GTF2F2: variants seen among roughly 807,000 people sequenced by gnomAD.
GTF2F2 encodes the protein general transcription factor IIF subunit 2.
GTF2F2 carries 23 observed loss-of-function variants against 42.2 expected under a neutral mutation model. The observed-to-expected ratio is 0.55, with a 90% CI of 0.39 to 0.77. The LOEUF is 0.77. Ranked by LOEUF, GTF2F2 falls within the 30% of genes least tolerant of loss-of-function variation. The pLI is 0.00. For missense variants in GTF2F2, 261 were observed against 287.2 expected (o/e 0.91, Z 0.66); for synonymous variants, 105 against 100.8 (o/e 1.04, Z -0.25).
intron 4 of GTF2F2, among the ~76,000 whole-genome samples, chr13:45,179,518 C>G (rs1872045118): frequency 6.6e-6 from 1 of 152,152 alleles, no homozygotes; most frequent in Non-Finnish European, 1.5e-5. Context: ...TATCACTGCC[C>G]TGAAGGTATA....
chr13:45,237,146 C>G (rs1875034411), intron 5 of GTF2F2, among the ~76,000 whole-genome samples: 1 of 151,946 alleles, frequency 6.6e-6, no homozygotes, highest in African/African-American at 2.4e-5. Flanking sequence ...AAGAAATTAC[C>G]CAAAGCTGTA....
intron 2 of GTF2F2, among the ~76,000 whole-genome samples, chr13:45,140,378 AG>A (rs1413144746): frequency 6.6e-6 from 1 of 152,218 alleles, no homozygotes; most frequent in Non-Finnish European, 1.5e-5. Context: ...TAGTGGAGTC[AG>A]GCTTGTATTC....
chr13:45,120,752 C>T (rs749339806), intron 1 of GTF2F2, 31 bp downstream of exon 1: 12 of 1,473,174 alleles, frequency 8.1e-6, no homozygotes, highest in Middle Eastern at 1.7e-4. Context: ...ACTTGCGCTC[C>T]TCCTAACACA....
intron 6 of GTF2F2, among the ~76,000 whole-genome samples, chr13:45,255,296 C>T (rs558027548): frequency 5.0e-4 from 76 of 152,036 alleles, no homozygotes; most frequent in African/African-American, 1.8e-3. Context: ...TAGCAAATGC[C>T]ACTAGGGCTA....
chr13:45,269,256 T>C (rs1358471483), intron 7 of GTF2F2, among the ~76,000 whole-genome samples: 1 of 152,188 alleles, frequency 6.6e-6, no homozygotes, highest in Non-Finnish European at 1.5e-5. Context: ...TGAATTGATT[T>C]GAAAAAAGAA....
At chr13:45,261,030 G>A in intron 6 of GTF2F2, among the ~76,000 whole-genome samples, 1 of 152,192 alleles carries the variant, frequency 6.6e-6, no homozygotes, top group East Asian at 1.9e-4. Context: ...AGAGGCTGAG[G>A]CAGGAGAATC....
chr13:45,164,793 G>A (rs1871195397), intron 4 of GTF2F2, among the ~76,000 whole-genome samples: 1 of 152,124 alleles, frequency 6.6e-6, no homozygotes, highest in African/African-American at 2.4e-5. Flanking sequence ...CCCAGTGCTG[G>A]TAAAAAGGCT....
intron 6 of GTF2F2, among the ~76,000 whole-genome samples, chr13:45,254,727 A>C (rs1310842023): frequency 6.6e-6 from 1 of 152,226 alleles, no homozygotes; most frequent in Admixed American, 6.5e-5. Context: ...TGGGTTTTGA[A>C]ATATCTGTAA....
At chr13:45,184,482 G>A (rs550399263) in intron 4 of GTF2F2, among the ~76,000 whole-genome samples, 4 of 150,308 alleles carry the variant, frequency 2.7e-5, no homozygotes, top group South Asian at 4.2e-4. Flanking sequence ...TCGAACTCTT[G>A]GGCTCAAGCA....
chr13:45,139,465 T>G (rs528622234), intron 2 of GTF2F2, among the ~76,000 whole-genome samples: 1 of 152,332 alleles, frequency 6.6e-6, no homozygotes, highest in East Asian at 1.9e-4. Context: ...TTGCTATTCT[T>G]CTGTTTTTTC....
Position 45,144,200 on chromosome 13 carries a change from C to T in GTF2F2, c.141-5570C>T, listed in dbSNP as rs549886840. Among the ~76,000 whole-genome samples the T allele has an allele frequency of 3.9e-5, 6 of 152,086 alleles. No homozygotes were observed. The East Asian group carries it at 7.8e-4, about 20-fold the overall frequency. On this transcript the variant is annotated intron_variant, in intron 2 of 7. Transcript: ENST00000340473. ...CCGGGGAAGCAGAGGTTTCAGTGAG[C>T]GGAGACCTCACCATTGCACTCCAGC...
In GTF2F2 at chr13:45,221,404, T is replaced by C. The variant is rs75153002; in HGVS notation, c.386+13899T>C. Among the ~76,000 whole-genome samples, 272 of 152,278 alleles carry C rather than the reference T, an allele frequency of 1.8e-3. 1 individual carries two copies. The highest frequency in any genetic ancestry group is 6.2e-3 in the African/African-American group (258 of 41,562). ...CAGGACCTAGTGCAAAATGAAAATA[T>C]GGGGCCTTTTGTTCATACATTATTA... On this transcript the variant is annotated intron_variant, in intron 5 of 7. Coordinates refer to ENST00000340473, the MANE Select transcript of GTF2F2 (RefSeq NM_004128.3).
At chr13:45,155,583 A>C (rs958720850) in intron 4 of GTF2F2, among the ~76,000 whole-genome samples, 3 of 152,224 alleles carry the variant, frequency 2.0e-5, no homozygotes, top group Non-Finnish European at 2.9e-5. Flanking sequence ...CTAATGATTA[A>C]GTTATACAGT....
intron 4 of GTF2F2, among the ~76,000 whole-genome samples, chr13:45,179,502 CCTT>C (rs1872044340): frequency 6.6e-6 from 1 of 152,126 alleles, no homozygotes; most frequent in African/African-American, 2.4e-5. Flanking sequence ...TTTAAAATTT[CCTT>C]CTTATCACTG....
intron 2 of GTF2F2, among the ~76,000 whole-genome samples, chr13:45,138,842 C>T (rs750334673): frequency 1.8e-4 from 27 of 152,152 alleles, no homozygotes; most frequent in Admixed American, 1.1e-3. Flanking sequence ...GACGGGGTTT[C>T]GCCATGTTGG....
Position 45,247,006 on chromosome 13 carries a change from T to C in GTF2F2, c.387-5865T>C, listed in dbSNP as rs776291753. Among the ~76,000 whole-genome samples, 132 of 142,568 alleles carry C rather than the reference T, an allele frequency of 9.3e-4. 1 individual carries two copies. The highest frequency in any genetic ancestry group is 4.7e-3 in the Admixed American group (64 of 13,692). The allele number at this position is 142,568 out of a possible 152,430, so 93.5% of individuals were successfully genotyped here. A position where few individuals can be genotyped will look rare whatever the true frequency, so the allele number is the denominator to read the frequency against. On this transcript the variant is annotated intron_variant, in intron 5 of 7. Transcript: ENST00000340473. The stretch of plus-strand genomic sequence containing the variant: ...TGAGCCGAGATAAGCGCCACTGCAC[T>C]CCAGCCTGGGCGACAGATCAAGACT...
chr13:45,195,560 C>A (rs1872849109), intron 4 of GTF2F2, among the ~76,000 whole-genome samples: 1 of 152,098 alleles, frequency 6.6e-6, no homozygotes, highest in African/African-American at 2.4e-5. Context: ...TCACAGTGGG[C>A]AAAATAAATC....
At chr13:45,215,173 C>T (rs1257230407) in intron 5 of GTF2F2, among the ~76,000 whole-genome samples, 4 of 152,182 alleles carry the variant, frequency 2.6e-5, no homozygotes, top group African/African-American at 4.8e-5. Flanking sequence ...GAGAAGTGCT[C>T]ATTTCAGACT....
chr13:45,123,634 G>GAAA (rs11429504), intron 1 of GTF2F2, among the ~76,000 whole-genome samples: 2 of 129,088 alleles, frequency 1.5e-5, no homozygotes, highest in African/African-American at 5.3e-5. Context: ...TATCTAAAAA[G>GAAA]AAAAAAAAAA....
Sources: allele counts gnomAD v4.1 joint callset (sites outside exome capture counted in the v4.1 genomes callset), GRCh38; gene constraint gnomAD v4.1.1; transcripts MANE v1.5; gene names NCBI Gene and HGNC (gene_info 2026-07-23, HGNC 2026-07-21).